The following GPR27 variants were observed in gnomAD, a reference collection of about 807,000 sequenced individuals.
The protein encoded by GPR27 is G protein-coupled receptor 27, also known as probable G protein-coupled receptor 27.
In GPR27, 3 loss-of-function variants were observed where a neutral mutation model predicts 2.4. That is an observed-to-expected ratio of 1.23 (90% CI 0.56 to 3.18). The LOEUF is 3.18. GPR27 is among the 30% of genes most tolerant of loss of function. GPR27 has a pLI of 0.03. For synonymous variants in GPR27, 367 were observed against 296.4 expected (o/e 1.24, Z -2.45); for missense variants, 526 against 566.1 (o/e 0.93, Z 0.72).
chr3:71,755,501 A>G lies in GPR27; in HGVS notation c.*324A>G. On this transcript the variant is annotated 3_prime_UTR_variant, in exon 1 of 1. Transcript: ENST00000304411. Reference sequence around the variant, plus strand: ...TTTCTTTTTCTATAAAGGCTGTACTAATTTTCTTCATGCAACGTTTCCTAA... The same window carrying G: ...TTTCTTTTTCTATAAAGGCTGTACTGATTTTCTTCATGCAACGTTTCCTAA... The G allele has an allele frequency of 3.6e-6, 1 of 275,862 alleles. No individual in the cohort carries two copies. Among genetic ancestry groups the G allele is most frequent in the South Asian group, 1.1e-4 (1 of 9,020 alleles). 17.1% of individuals were successfully genotyped at this position (275,862 alleles called of 1,614,324 possible). A position where few individuals can be genotyped will look rare whatever the true frequency, so the allele number is the denominator to read the frequency against.
At position 71,756,264 on chromosome 3, in the gene GPR27, T is replaced by C. The variant is rs918823048; in HGVS notation, c.*1087T>C. 1.3e-5 allele frequency: 2 copies of C among 152,220 alleles called. No homozygotes were observed. The highest frequency in any genetic ancestry group is 2.9e-5 in the Non-Finnish European group (2 of 68,034). The allele number at this position is 152,220 out of a possible 1,614,324, so 9.4% of individuals were successfully genotyped here. ...CATTTCCTTAAAATGTTTGCTAGGT[T>C]AAGCTGTGCTGTTCTACTGATGGTT... On this transcript the variant is annotated 3_prime_UTR_variant, in exon 1 of 1. Coordinates refer to ENST00000304411, the MANE Select transcript of GPR27 (RefSeq NM_018971.3).
Position 71,754,925 on chromosome 3 carries a change from C to T in GPR27, c.876C>T (p.Leu292=). 1 of 1,613,664 alleles carries T rather than the reference C, an allele frequency of 6.2e-7. No homozygotes were observed. ...LCKMFYAVTL[L]FLLLWGPYVV... ...AGATGTTCTACGCCGTCACGCTGCT[C>T]TTCCTGCTCCTCTGGGGGCCCTACG... The change falls in exon 1 of 1, where the codon CTC becomes CTT. Residue 292 remains leucine (L), a synonymous_variant. Transcript: ENST00000304411. This position sits in a 1 kb window ranked among gnomAD's most constrained non-coding sequence, Gnocchi z 5.8.
Position 71,755,152 on chromosome 3 carries a change from G to T in GPR27, c.1103G>T (p.Cys368Phe). ...CGGACCACCCAGGCGACCCATCCCT[G>T]CGACCTGAAAGGCATTGGTTTATGA... ...SPRTTQATHP[C>F]DLKGIGL is the part of the protein sequence containing the mutation. The change falls in exon 1 of 1, where the codon TGC becomes TTC. Residue 368 changes from cysteine (C) to phenylalanine (F), a missense_variant. Cys to Phe is a radical substitution (Grantham distance 205). Transcript: ENST00000304411. 1 of 1,606,228 alleles carries T rather than the reference G, an allele frequency of 6.2e-7. No individual in the cohort carries two copies.
In GPR27 at chr3:71,755,252, C is replaced by T; in HGVS notation, c.*75C>T. 1.7e-6 allele frequency: 2 copies of T among 1,203,028 alleles called. No homozygotes were observed. The highest frequency in any genetic ancestry group is 2.3e-6 in the Non-Finnish European group (2 of 873,438). 74.5% of individuals were successfully genotyped at this position (1,203,028 alleles called of 1,614,324 possible). ...GACGGTGACGTTGTATCTTTTCCTT[C>T]TGGCCCCTGTTTAATTTTCTAAGCT... is the stretch of plus-strand genomic sequence containing the variant. On this transcript the variant is annotated 3_prime_UTR_variant, in exon 1 of 1. Coordinates refer to ENST00000304411, the MANE Select transcript of GPR27 (RefSeq NM_018971.3).
chr3:71,755,339 GT>G lies in GPR27; in HGVS notation c.*163del. On this transcript the variant is annotated 3_prime_UTR_variant, in exon 1 of 1. Coordinates refer to ENST00000304411, the MANE Select transcript of GPR27 (RefSeq NM_018971.3). ...TTGTACTGACTCCTTTGGGGGTGGGGTGGGTGAGGAGTAGGATGCTCAGCCC... is the reference window on the plus strand; with the variant it reads ...TTGTACTGACTCCTTTGGGGGTGGGGGGGTGAGGAGTAGGATGCTCAGCCC... 1.5e-6 allele frequency: 1 copy of G among 651,528 alleles called. No individual in the cohort carries two copies. Among genetic ancestry groups the G allele is most frequent in the Non-Finnish European group, 2.6e-6 (1 of 384,980 alleles). The allele number at this position is 651,528 out of a possible 1,614,324, so 40.4% of individuals were successfully genotyped here.
Position 71,754,188 on chromosome 3 carries a change from C to G in GPR27, c.139C>G (p.Arg47Gly). 7.0e-7 allele frequency: 1 copy of G among 1,434,730 alleles called. No individual in the cohort carries two copies. Among genetic ancestry groups the G allele is most frequent in the Non-Finnish European group, 9.2e-7 (1 of 1,081,582 alleles). The allele number at this position is 1,434,730 out of a possible 1,614,324, so 88.9% of individuals were successfully genotyped here. ...GTTCGCGCTGCTGATCGTGCGGGAGCGCAGCCTGCACCGCGCCCCGTACTA... is the reference window on the plus strand; with the variant it reads ...GTTCGCGCTGCTGATCGTGCGGGAGGGCAGCCTGCACCGCGCCCCGTACTA... The part of the protein sequence containing the change: ...VLFALLIVRE[R>G]SLHRAPYYLL... The change falls in exon 1 of 1, where the codon CGC (arginine) becomes GGC (glycine). Residue 47 changes from arginine to glycine, a missense_variant. Physicochemically the swap from Arg to Gly is moderately radical, Grantham distance 125. This residue lies in a region of GPR27 where 312 missense variants were observed against 318.4 expected (regional missense o/e 0.98). Coordinates refer to ENST00000304411, the MANE Select transcript of GPR27 (RefSeq NM_018971.3). This position sits in a 1 kb window ranked among gnomAD's most constrained non-coding sequence, Gnocchi z 5.8.
Position 71,754,093 on chromosome 3 carries a change from C to T in GPR27, c.44C>T (p.Ala15Val), listed in dbSNP as rs1164655518. 2.1e-5 allele frequency: 29 copies of T among 1,355,750 alleles called. No individual in the cohort carries two copies. Among genetic ancestry groups the T allele is most frequent in the Middle Eastern group, 2.8e-4 (1 of 3,578 alleles). 84.0% of individuals were successfully genotyped at this position (1,355,750 alleles called of 1,614,324 possible). The change falls in exon 1 of 1, where the codon GCG becomes GTG. Residue 15 changes from alanine to valine, a missense_variant. Around this residue, in one of 3 missense-constraint regions of GPR27, gnomAD observed 312 missense variants for 318.4 expected, o/e 0.98. Coordinates refer to ENST00000304411, the MANE Select transcript of GPR27 (RefSeq NM_018971.3). The surrounding 1 kb of genome is among the most constrained non-coding windows in gnomAD (Gnocchi z 5.8). ...CCGGGTGGCAGCGGCGGCGGCGAGG[C>T]GGCCGCCCTGGGCCTCAAGCTGGCC... Reference protein sequence around the residue: ...SEPGGSGGGEAAALGLKLATL... With the variant: ...SEPGGSGGGEVAALGLKLATL...
At position 71,754,998 on chromosome 3, in the gene GPR27, C is replaced by G. The variant is rs1232561149; in HGVS notation, c.949C>G (p.Gln317Glu). Residue 317 changes from glutamine to glutamate, a missense_variant, in exon 1 of 1, where the codon CAG becomes GAG. Gln to Glu is a conservative substitution (Grantham distance 29). Transcript: ENST00000304411. The surrounding 1 kb of genome is among the most constrained non-coding windows in gnomAD (Gnocchi z 5.8). ...CCTGGTGCGGCCCGGCGCCGTCCCC[C>G]AGGCCTACCTGACGGCCTCCGTGTG... ...RVLVRPGAVP[Q>E]AYLTASVWLT... 1 of 1,613,202 alleles carries G rather than the reference C, an allele frequency of 6.2e-7. No individual in the cohort carries two copies. The highest frequency in any genetic ancestry group is 8.5e-7 in the Non-Finnish European group (1 of 1,179,926).
Position 71,755,090 on chromosome 3 carries a change from C to G in GPR27, c.1041C>G (p.Asp347Glu). 6.2e-7 allele frequency: 1 copy of G among 1,610,896 alleles called. No individual in the cohort carries two copies. The highest frequency in any genetic ancestry group is 8.5e-7 in the Non-Finnish European group (1 of 1,179,944). ...TCCTCTTCAACAGGGAGCTGAGGGACTGCTTCAGGGCCCAGTTCCCCTGCT... is the reference window on the plus strand; with the variant it reads ...TCCTCTTCAACAGGGAGCTGAGGGAGTGCTTCAGGGCCCAGTTCCCCTGCT... ...VCFLFNRELR[D>E]CFRAQFPCCQ... is the part of the protein sequence containing the mutation. The change falls in exon 1 of 1, where the codon GAC becomes GAG. Residue 347 changes from aspartate to glutamate, a missense_variant. Physicochemically the swap from Asp to Glu is conservative, Grantham distance 45. This residue lies in a region of GPR27 where 116 missense variants were observed against 100.9 expected (regional missense o/e 1.15). Transcript: ENST00000304411.
Position 71,754,600 on chromosome 3 carries a change from TG to T in GPR27, c.554del (p.Gly185AlafsTer136). The T allele has an allele frequency of 1.4e-6, 2 of 1,436,936 alleles. No homozygotes were observed. Among genetic ancestry groups the T allele is most frequent in the Non-Finnish European group, 9.1e-7 (1 of 1,096,694 alleles). 89.0% of individuals were successfully genotyped at this position (1,436,936 alleles called of 1,614,324 possible). Reference sequence around the variant, plus strand: ...CGGCCCGACGGCGCCCCCGGCGCGCTGGGCTTCCTGCTGCTGCTGGCCGTGG... The same window carrying T: ...CGGCCCGACGGCGCCCCCGGCGCGCTGGCTTCCTGCTGCTGCTGGCCGTGG... ...EQRPDGAPGA[L>X]GFLLLLAVVV... On this transcript the variant is annotated frameshift_variant, in exon 1 of 1. Coordinates refer to ENST00000304411, the MANE Select transcript of GPR27 (RefSeq NM_018971.3). LOFTEE classifies it low-confidence loss of function (END_TRUNC). The surrounding 1 kb of genome is among the most constrained non-coding windows in gnomAD (Gnocchi z 5.8).
Position 71,754,838 on chromosome 3 carries a change from G to T in GPR27, c.789G>T (p.Pro263=). Residue 263 remains proline (P), a synonymous_variant, in exon 1 of 1, where the codon CCG becomes CCT. Coordinates refer to ENST00000304411, the MANE Select transcript of GPR27 (RefSeq NM_018971.3). This position sits in a 1 kb window ranked among gnomAD's most constrained non-coding sequence, Gnocchi z 5.8. ...PALVGIRPAG[P]GRGARRLLVL... ...TTGTGGGCATCCGGCCCGCAGGGCC[G>T]GGCCGCGGCGCGCGCCGCCTCCTCG... is the stretch of plus-strand genomic sequence containing the variant. 6.3e-7 allele frequency: 1 copy of T among 1,586,740 alleles called. No individual in the cohort carries two copies. The highest frequency in any genetic ancestry group is 2.3e-5 in the East Asian group (1 of 43,398).
Position 71,754,391 on chromosome 3 carries a change from G to A in GPR27, c.342G>A (p.Leu114=). 1 of 1,346,208 alleles carries A rather than the reference G, an allele frequency of 7.4e-7. No homozygotes were observed. Among genetic ancestry groups the A allele is most frequent in the Non-Finnish European group, 9.6e-7 (1 of 1,039,504 alleles). The allele number at this position is 1,346,208 out of a possible 1,614,324, so 83.4% of individuals were successfully genotyped here. ...GCTTCCACGCCGCCTTCCTGCTGCT[G>A]GGCGTGGGCGTCACCCGCTACCTGG... ...LFCFHAAFLL[L]GVGVTRYLAI... is the part of the protein sequence containing the mutation. Residue 114 remains leucine (L), a synonymous_variant, in exon 1 of 1, where the codon CTG becomes CTA. Coordinates refer to ENST00000304411, the MANE Select transcript of GPR27 (RefSeq NM_018971.3). The surrounding 1 kb of genome is among the most constrained non-coding windows in gnomAD (Gnocchi z 5.8).
chr3:71,755,248 C>T lies in GPR27; in HGVS notation c.*71C>T. The T allele has an allele frequency of 1.7e-6, 2 of 1,208,188 alleles. No individual in the cohort carries two copies. Among genetic ancestry groups the T allele is most frequent in the Non-Finnish European group, 2.3e-6 (2 of 879,368 alleles). The allele number at this position is 1,208,188 out of a possible 1,614,324, so 74.8% of individuals were successfully genotyped here. ...CTCGGACGGTGACGTTGTATCTTTTCCTTCTGGCCCCTGTTTAATTTTCTA... is the reference window on the plus strand; with the variant it reads ...CTCGGACGGTGACGTTGTATCTTTTTCTTCTGGCCCCTGTTTAATTTTCTA... On this transcript the variant is annotated 3_prime_UTR_variant, in exon 1 of 1. Coordinates refer to ENST00000304411, the MANE Select transcript of GPR27 (RefSeq NM_018971.3).
At position 71,754,612 on chromosome 3, in the gene GPR27, T is replaced by A; in HGVS notation, c.563T>A (p.Leu188Gln). Reference protein sequence around the residue: ...DGAPGALGFLLLLAVVVGATH... With the variant: ...DGAPGALGFLQLLAVVVGATH... Reference sequence around the variant, plus strand: ...GCCCCCGGCGCGCTGGGCTTCCTGCTGCTGCTGGCCGTGGTGGTGGGCGCC... The same window carrying A: ...GCCCCCGGCGCGCTGGGCTTCCTGCAGCTGCTGGCCGTGGTGGTGGGCGCC... The change falls in exon 1 of 1, where the codon CTG (leucine) becomes CAG (glutamine). Residue 188 changes from leucine to glutamine, a missense_variant. Leu to Gln is a moderately radical substitution (Grantham distance 113). Coordinates refer to ENST00000304411, the MANE Select transcript of GPR27 (RefSeq NM_018971.3). The surrounding 1 kb of genome is among the most constrained non-coding windows in gnomAD (Gnocchi z 5.8). 6.9e-7 allele frequency: 1 copy of A among 1,451,618 alleles called. No homozygotes were observed. The highest frequency in any genetic ancestry group is 9.1e-7 in the Non-Finnish European group (1 of 1,104,764). The allele number at this position is 1,451,618 out of a possible 1,614,324, so 89.9% of individuals were successfully genotyped here. A position where few individuals can be genotyped will look rare whatever the true frequency, so the allele number is the denominator to read the frequency against.
chr3:71,754,253 G>A lies in GPR27; in HGVS notation c.204G>A (p.Ala68=). The A allele has an allele frequency of 1.6e-6, 2 of 1,275,230 alleles. No homozygotes were observed. Among genetic ancestry groups the A allele is most frequent in the African/African-American group, 1.6e-5 (1 of 64,454 alleles). 79.0% of individuals were successfully genotyped at this position (1,275,230 alleles called of 1,614,324 possible). A position where few individuals can be genotyped will look rare whatever the true frequency, so the allele number is the denominator to read the frequency against. The change falls in exon 1 of 1, where the codon GCG becomes GCA. Residue 68 remains alanine (A), a synonymous_variant. Transcript: ENST00000304411. The surrounding 1 kb of genome is among the most constrained non-coding windows in gnomAD (Gnocchi z 5.8). ...LDLCLADGLR[A]LACLPAVMLA... is the part of the protein sequence containing the mutation. ...TGTGCCTGGCCGACGGGCTGCGCGC[G>A]CTCGCCTGCCTCCCGGCCGTCATGC...
Position 71,754,340 on chromosome 3 carries a change from G to T in GPR27, c.291G>T (p.Leu97=). The change falls in exon 1 of 1, where the codon CTG becomes CTT. Residue 97 remains leucine, a synonymous_variant. Transcript: ENST00000304411. This position sits in a 1 kb window ranked among gnomAD's most constrained non-coding sequence, Gnocchi z 5.8. The part of the protein sequence containing the change: ...GAPPGALGCK[L]LAFLAALFCF... ...CGCCGGGCGCGCTGGGCTGCAAGCT[G>T]CTCGCCTTCCTGGCCGCGCTCTTCT... 1 of 1,292,194 alleles carries T rather than the reference G, an allele frequency of 7.7e-7. No homozygotes were observed. Among genetic ancestry groups the T allele is most frequent in the South Asian group, 2.0e-5 (1 of 49,550 alleles). 80.0% of individuals were successfully genotyped at this position (1,292,194 alleles called of 1,614,324 possible).
rs1306020106 is a variant in GPR27, at chr3:71,755,360, C to T, written c.*183C>T. The T allele has an allele frequency of 5.0e-6, 3 of 598,234 alleles. No homozygotes were observed. The East Asian group carries it at 8.3e-5, about 17-fold the overall frequency. The allele number at this position is 598,234 out of a possible 1,614,324, so 37.1% of individuals were successfully genotyped here. On this transcript the variant is annotated 3_prime_UTR_variant, in exon 1 of 1. Coordinates refer to ENST00000304411, the MANE Select transcript of GPR27 (RefSeq NM_018971.3). ...TGGGGTGGGTGAGGAGTAGGATGCTCAGCCCACTCCAGCTCCGCACATTCG... is the reference window on the plus strand; with the variant it reads ...TGGGGTGGGTGAGGAGTAGGATGCTTAGCCCACTCCAGCTCCGCACATTCG...
At position 71,756,340 on chromosome 3, in the gene GPR27, A is replaced by G. The variant is rs559708058; in HGVS notation, c.*1163A>G. ...AATTTAAATAATATTTCTTTGTTAGACATTATAATGTTAAACTGAAAGACT... is the reference window on the plus strand; with the variant it reads ...AATTTAAATAATATTTCTTTGTTAGGCATTATAATGTTAAACTGAAAGACT... On this transcript the variant is annotated 3_prime_UTR_variant, in exon 1 of 1. Coordinates refer to ENST00000304411, the MANE Select transcript of GPR27 (RefSeq NM_018971.3). 30 of 152,242 alleles carry G rather than the reference A, an allele frequency of 2.0e-4. No individual in the cohort carries two copies. Among genetic ancestry groups the G allele is most frequent in the Non-Finnish European group, 3.5e-4 (24 of 68,046 alleles). 9.4% of individuals were successfully genotyped at this position (152,242 alleles called of 1,614,324 possible).
rs1013947147 is a variant in GPR27, at chr3:71,754,846, G to T, written c.797G>T (p.Gly266Val). 6.3e-7 allele frequency: 1 copy of T among 1,593,704 alleles called. No individual in the cohort carries two copies. Among genetic ancestry groups the T allele is most frequent in the African/African-American group, 1.3e-5 (1 of 74,176 alleles). Residue 266 changes from glycine to valine, a missense_variant, in exon 1 of 1, where the codon GGC becomes GTC. By Grantham distance (109) the Gly-to-Val change is moderately radical. Around this residue, in one of 3 missense-constraint regions of GPR27, gnomAD observed 98 missense variants for 146.7 expected, o/e 0.67. Coordinates refer to ENST00000304411, the MANE Select transcript of GPR27 (RefSeq NM_018971.3). This position sits in a 1 kb window ranked among gnomAD's most constrained non-coding sequence, Gnocchi z 5.8. ...VGIRPAGPGR[G>V]ARRLLVLEEF... ...ATCCGGCCCGCAGGGCCGGGCCGCG[G>T]CGCGCGCCGCCTCCTCGTGCTGGAA...
Sources: allele counts gnomAD v4.1 joint callset, GRCh38; gene constraint gnomAD v4.1.1; regional missense constraint gnomAD v4.1.1; non-coding constraint Gnocchi (gnomAD v3.1); transcripts MANE v1.5; gene names NCBI Gene and HGNC (gene_info 2026-07-23, HGNC 2026-07-21).